Variants in EPB41L2 observed in about 807,000 individuals in gnomAD.
EPB41L2 encodes the protein erythrocyte membrane protein band 4.1 like 2.
A neutral mutation model predicts 113.0 loss-of-function variants in EPB41L2; 43 were observed. The observed-to-expected ratio is 0.38, with a 90% CI of 0.30 to 0.49. The LOEUF is 0.49. EPB41L2 is among the 20% of genes least tolerant of loss of function. The probability of loss-of-function intolerance (pLI) is 0.95; values close to 1 mark genes in which losing one functional copy is unlikely to be tolerated. For synonymous variants in EPB41L2, 442 were observed against 436.7 expected (o/e 1.01, Z -0.15); for missense variants, 1,147 against 1,223.4 (o/e 0.94, Z 0.93).
At chr6:130,988,228 A>T (rs556919561) in intron 1 of EPB41L2, among the ~76,000 whole-genome samples, 4 of 152,268 alleles carry the variant, frequency 2.6e-5, no homozygotes, top group Admixed American at 6.5e-5. Flanking sequence ...TGAAGTCTAA[A>T]TAGCAGATAA....
chr6:131,003,371 A>G (rs927658490), intron 1 of EPB41L2, among the ~76,000 whole-genome samples: 4 of 152,318 alleles, frequency 2.6e-5, no homozygotes, highest in Non-Finnish European at 5.9e-5. Context: ...TCTATTTCCA[A>G]TTGTAGTCAA....
At chr6:130,994,748 A>G (rs896139666) in intron 1 of EPB41L2, among the ~76,000 whole-genome samples, 1 of 152,194 alleles carries the variant, frequency 6.6e-6, no homozygotes, top group African/African-American at 2.4e-5. Flanking sequence ...CCAAATCAGT[A>G]AGCTCAAAGG....
At chr6:131,048,152 A>AAG (rs1554353740) in intron 1 of EPB41L2, among the ~76,000 whole-genome samples, 13 of 81,906 alleles carry the variant, frequency 1.6e-4, no homozygotes, top group African/African-American at 4.2e-4. Flanking sequence ...AAAAAAAAAA[A>AAG]AAAAAGAAAA....
chr6:131,049,983 T>C, intron 1 of EPB41L2, among the ~76,000 whole-genome samples: 1 of 152,180 alleles, frequency 6.6e-6, no homozygotes, highest in African/African-American at 2.4e-5. Context: ...TCCAGGACTT[T>C]GGTTAAGTTT....
At chr6:131,008,335 G>A (rs76433186) in intron 1 of EPB41L2, among the ~76,000 whole-genome samples, 3,983 of 152,360 alleles carry the variant, frequency 0.026, 193 homozygotes, top group African/African-American at 0.091. Context: ...CTGCGGGCGC[G>A]CAGAAGTTAA....
chr6:130,885,301 G>A, intron 11 of EPB41L2, 33 bp from the exon 12 acceptor site: 1 of 1,610,140 alleles, frequency 6.2e-7, no homozygotes, highest in South Asian at 1.1e-5. Flanking sequence ...GATTATTTTA[G>A]GACATATGAA....
chr6:130,894,966 C>G lies in EPB41L2; in HGVS notation c.1389+1G>C. 6.2e-7 allele frequency: 1 copy of G among 1,612,104 alleles called. No homozygotes were observed. The highest frequency in any genetic ancestry group is 8.5e-7 in the Non-Finnish European group (1 of 1,178,838). ...AACTGATTAGAAATGTCTTGGCTTA[C>G]CTCTGCCGGTCTGACTTTAATGTAG... is the stretch of plus-strand genomic sequence containing the variant. On this transcript the variant is annotated splice_donor_variant, in intron 9 of 19. Coordinates refer to ENST00000337057, the MANE Select transcript of EPB41L2 (RefSeq NM_001431.4). LOFTEE classifies it high-confidence loss of function.
intron 3 of EPB41L2, among the ~76,000 whole-genome samples, chr6:130,929,426 G>A (rs564608202): frequency 1.3e-5 from 2 of 152,268 alleles, no homozygotes; most frequent in South Asian, 4.1e-4. Context: ...GGAGGATACA[G>A]TAAAATGAAA....
chr6:130,918,842 T>G (rs1562485441), intron 4 of EPB41L2, among the ~76,000 whole-genome samples: 3 of 152,212 alleles, frequency 2.0e-5, no homozygotes, highest in Admixed American at 1.3e-4. Flanking sequence ...CATTATATTC[T>G]GTTGTTAAAA....
chr6:130,945,509 T>G (rs182191100), intron 3 of EPB41L2, among the ~76,000 whole-genome samples: 1 of 152,202 alleles, frequency 6.6e-6, no homozygotes, highest in Non-Finnish European at 1.5e-5. Flanking sequence ...AAAATCAACA[T>G]GTGGGAACAA....
intron 1 of EPB41L2, among the ~76,000 whole-genome samples, chr6:131,015,646 T>C (rs1338784916): frequency 6.6e-6 from 1 of 152,232 alleles, no homozygotes; most frequent in Non-Finnish European, 1.5e-5. Flanking sequence ...AAAACTGGAC[T>C]CTTCTAAAAA....
intron 3 of EPB41L2, among the ~76,000 whole-genome samples, chr6:130,947,020 C>CG (rs1315245389): frequency 7.2e-6 from 1 of 138,048 alleles, no homozygotes; most frequent in African/African-American, 2.8e-5. Context: ...AAAGAAGACC[C>CG]CCCCCCCAGC....
chr6:130,882,179 G>A (rs754554879), intron 12 of EPB41L2: 10 of 152,194 alleles, frequency 6.6e-5, no homozygotes, highest in Non-Finnish European at 1.5e-4. Context: ...GAGAGACCCT[G>A]TATGGATTGT....
chr6:130,853,841 A>G (rs1779472687), intron 19 of EPB41L2, among the ~76,000 whole-genome samples: 1 of 152,114 alleles, frequency 6.6e-6, no homozygotes, highest in Non-Finnish European at 1.5e-5. Context: ...ACATTCCGAT[A>G]TTGTCCTGAT....
At chr6:130,851,919 G>T (rs1425256908) in intron 19 of EPB41L2, among the ~76,000 whole-genome samples, 1 of 152,086 alleles carries the variant, frequency 6.6e-6, no homozygotes, top group Non-Finnish European at 1.5e-5. Context: ...GGATAACACA[G>T]CTCAAAACAC....
chr6:131,016,477 AACACACACACACACACAC>A (rs10584309), intron 1 of EPB41L2, among the ~76,000 whole-genome samples: 15 of 143,434 alleles, frequency 1.0e-4, no homozygotes, highest in South Asian at 2.3e-4. Flanking sequence ...TTAATAAGGA[AACACACACACACACACAC>A]ACACACACAC....
At chr6:130,854,562 C>A (rs1161724918) in intron 19 of EPB41L2, among the ~76,000 whole-genome samples, 1 of 152,068 alleles carries the variant, frequency 6.6e-6, no homozygotes, top group African/African-American at 2.4e-5. Flanking sequence ...TATTAAAATG[C>A]CACAAGTGAA....
chr6:131,012,039 T>C (rs1342145382), intron 1 of EPB41L2, among the ~76,000 whole-genome samples: 2 of 152,058 alleles, frequency 1.3e-5, no homozygotes, highest in African/African-American at 4.8e-5. Context: ...ACCCCATCTC[T>C]ACTAAAAATA....
At chr6:131,034,895 C>T (rs913899116) in intron 1 of EPB41L2, among the ~76,000 whole-genome samples, 1 of 152,090 alleles carries the variant, frequency 6.6e-6, no homozygotes, top group Non-Finnish European at 1.5e-5. Flanking sequence ...TAGAAAAATG[C>T]AAAATCAATA....
Sources: gnomAD v4.1 joint callset for allele counts (sites outside exome capture counted in the v4.1 genomes callset) on GRCh38, gnomAD v4.1.1 for gene constraint, MANE v1.5 for transcripts, NCBI Gene and HGNC (gene_info 2026-07-23, HGNC 2026-07-21) for gene names.